Variants in NMRK1 observed in about 807,000 individuals in gnomAD.
NMRK1 encodes NRK 1.
A neutral mutation model predicts 29.9 loss-of-function variants in NMRK1; 28 were observed. That is an observed-to-expected ratio of 0.94 (90% CI 0.69 to 1.28). The LOEUF is 1.28. Among genes scored for constraint, NMRK1 ranks in the 50% most tolerant of loss-of-function variants. The probability of loss-of-function intolerance (pLI) is 0.00; values close to 1 mark genes in which losing one functional copy is unlikely to be tolerated. For synonymous variants in NMRK1, 58 were observed against 73.0 expected, an observed-to-expected ratio of 0.79 and a Z score of 1.05; for missense variants, 218 against 233.1, an observed-to-expected ratio of 0.94 and a Z score of 0.42.
chr9:75,069,185 A>T (rs895752919), intron 6 of NMRK1, 83 bp from the exon 7 acceptor site: 18 of 958,366 alleles, frequency 1.9e-5, no homozygotes, highest in Non-Finnish European at 3.0e-5. Context: ...ATAATGGGGA[A>T]ATCACTCAGA....
intron 7 of NMRK1, 82 bp from the exon 8 acceptor site, chr9:75,066,922 G>T: frequency 1.3e-6 from 1 of 771,696 alleles, no homozygotes; most frequent in Non-Finnish European, 2.2e-6. Flanking sequence ...AACATCTCTT[G>T]TAAATGCCAA....
At chr9:75,085,734 T>C (rs1039046131) in intron 1 of NMRK1, among the ~76,000 whole-genome samples, 1 of 131,686 alleles carries the variant, frequency 7.6e-6, no homozygotes, top group African/African-American at 2.6e-5. Context: ...AAGTTTTTTT[T>C]TTTTTTTTTT....
At chr9:75,069,480 C>T (rs1300132636) in intron 6 of NMRK1, 2 of 492,150 alleles carry the variant, frequency 4.1e-6, no homozygotes, top group Non-Finnish European at 3.6e-6. Flanking sequence ...AAATCCTAAT[C>T]ACCATGGGCT....
chr9:75,070,747 T>C (rs1823651527), intron 4 of NMRK1, among the ~76,000 whole-genome samples: 1 of 152,214 alleles, frequency 6.6e-6, no homozygotes, highest in Non-Finnish European at 1.5e-5. Flanking sequence ...TGGAAGGTTT[T>C]TAAATGATGG....
intron 2 of NMRK1, among the ~76,000 whole-genome samples, chr9:75,077,903 T>C (rs1403932979): frequency 2.6e-5 from 4 of 152,216 alleles, no homozygotes; most frequent in Non-Finnish European, 4.4e-5. Context: ...CCCAAAGTGC[T>C]TGGACGTGAG....
intron 5 of NMRK1, 39 bp from the exon 6 acceptor site, chr9:75,069,852 C>A (rs746364736): frequency 8.7e-6 from 14 of 1,610,966 alleles, no homozygotes; most frequent in East Asian, 2.2e-5. Context: ...GGGTTTTTAT[C>A]CCCCCATTCA....
chr9:75,083,091 T>G lies in NMRK1; in HGVS notation c.25A>C (p.Ser9Arg). Reference protein sequence around the residue: MKTFIIGISGVTNSGKTTL... With the variant: MKTFIIGIRGVTNSGKTTL... ...GTTTGTAGCAAAATTACTCACCCACTGATTCCAATGATAAATGTTTTCATA... is the reference window on the plus strand; with the variant it reads ...GTTTGTAGCAAAATTACTCACCCACGGATTCCAATGATAAATGTTTTCATA... Residue 9 changes from serine to arginine, a missense_variant, in exon 2 of 9, where the codon AGT becomes CGT. Transcript: ENST00000361092. 11 of 1,597,596 alleles carry G rather than the reference T, an allele frequency of 6.9e-6. No individual in the cohort carries two copies. The highest frequency in any genetic ancestry group is 9.4e-6 in the Non-Finnish European group (11 of 1,164,894).
intron 7 of NMRK1, among the ~76,000 whole-genome samples, chr9:75,067,549 A>T (rs1312560629): frequency 6.6e-6 from 1 of 152,132 alleles, no homozygotes; most frequent in Non-Finnish European, 1.5e-5. Flanking sequence ...ACAGCGTGAG[A>T]TGAGATTTTA....
intron 7 of NMRK1, among the ~76,000 whole-genome samples, chr9:75,067,670 C>T (rs1450968211): frequency 6.6e-6 from 1 of 152,154 alleles, no homozygotes; most frequent in African/African-American, 2.4e-5. Flanking sequence ...GAGCAGGAGC[C>T]TGATTAGATT....
Position 75,061,072 on chromosome 9 carries a change from C to T in NMRK1, c.*476G>A, listed in dbSNP as rs139802343. On this transcript the variant is annotated 3_prime_UTR_variant, in exon 9 of 9. Coordinates refer to ENST00000361092, the MANE Select transcript of NMRK1 (RefSeq NM_017881.3). ...TCAATATGTTTTTTATAATTAAAGA[C>T]GGAAAAACATCACAGTGCATAATAT... 404 of 153,040 alleles carry T rather than the reference C, an allele frequency of 2.6e-3. No homozygotes were observed. The highest frequency in any genetic ancestry group is 7.7e-3 in the East Asian group (40 of 5,196). The allele number at this position is 153,040 out of a possible 1,614,324, so 9.5% of individuals were successfully genotyped here.
chr9:75,079,398 CA>C (rs1824189625), intron 2 of NMRK1, among the ~76,000 whole-genome samples: 1 of 152,200 alleles, frequency 6.6e-6, no homozygotes, highest in Admixed American at 6.6e-5. Flanking sequence ...AGATAGTGAA[CA>C]GGGGTGACTT....
chr9:75,087,965 C>T (rs1028962611), intron 1 of NMRK1, 43 bp downstream of exon 1: 1 of 153,756 alleles, frequency 6.5e-6, no homozygotes, highest in Non-Finnish European at 1.4e-5. Context: ...CAGGCCCCAG[C>T]AAGGCGGCGC....
At position 75,066,778 on chromosome 9, in the gene NMRK1, G is replaced by A; in HGVS notation, c.559C>T (p.Gln187Ter). 6.2e-7 allele frequency: 1 copy of A among 1,603,018 alleles called. No individual in the cohort carries two copies. Among genetic ancestry groups the A allele is most frequent in the Non-Finnish European group, 8.5e-7 (1 of 1,169,972 alleles). The change falls in exon 8 of 9, where the codon CAA (glutamine) becomes TAA (stop). Residue 187 changes from glutamine (Q) to a stop codon, truncating the protein, a stop_gained. Coordinates refer to ENST00000361092, the MANE Select transcript of NMRK1 (RefSeq NM_017881.3). LOFTEE classifies it high-confidence loss of function. ...LFLQVYEDLI[Q>*]ELAKQKCLQV... ...TTACACTTTTGCTTTGCTAGTTCTT[G>A]TATTAGATCTTCATATACTTGCAAA...
chr9:75,085,726 GTTTT>G (rs58741153), intron 1 of NMRK1, among the ~76,000 whole-genome samples: 3 of 85,124 alleles, frequency 3.5e-5, no homozygotes, highest in Admixed American at 1.3e-4. Flanking sequence ...TCAAATGTAA[GTTTT>G]TTTTTTTTTT....
intron 1 of NMRK1, among the ~76,000 whole-genome samples, chr9:75,086,251 C>T (rs1349425755): frequency 6.6e-6 from 1 of 152,096 alleles, no homozygotes; most frequent in African/African-American, 2.4e-5. Flanking sequence ...TTAAAAAGCT[C>T]GCAATTGAGT....
chr9:75,080,978 T>C (rs2118228590), intron 2 of NMRK1, among the ~76,000 whole-genome samples: 3 of 152,304 alleles, frequency 2.0e-5, no homozygotes, highest in Middle Eastern at 6.8e-3. Context: ...TCCTTTTCTT[T>C]ATAAATTACT....
At chr9:75,068,275 T>C (rs905870014) in intron 7 of NMRK1, among the ~76,000 whole-genome samples, 2 of 152,180 alleles carry the variant, frequency 1.3e-5, no homozygotes, top group Non-Finnish European at 1.5e-5. Flanking sequence ...TTATCAATCA[T>C]GCCCTTGTTT....
chr9:75,083,834 C>T (rs549592488), intron 1 of NMRK1, among the ~76,000 whole-genome samples: 1 of 152,228 alleles, frequency 6.6e-6, no homozygotes, highest in South Asian at 2.1e-4. Flanking sequence ...ACTTATATAA[C>T]AAGAGAAAAA....
At chr9:75,071,688 T>G (rs1162195993) in intron 4 of NMRK1, among the ~76,000 whole-genome samples, 2 of 152,202 alleles carry the variant, frequency 1.3e-5, no homozygotes, top group Non-Finnish European at 2.9e-5. Context: ...CTCTGCTTCC[T>G]GCTAGGCCCT....
Sources: gnomAD v4.1 joint callset for allele counts (sites outside exome capture counted in the v4.1 genomes callset) on GRCh38, gnomAD v4.1.1 for gene constraint, MANE v1.5 for transcripts, NCBI Gene and HGNC (gene_info 2026-07-23, HGNC 2026-07-21) for gene names.